LAMB1: variants seen among roughly 807,000 people sequenced by gnomAD.
LAMB1 encodes laminin subunit beta 1.
LAMB1 carries 121 observed loss-of-function variants against 222.3 expected under a neutral mutation model. That is an observed-to-expected ratio of 0.54 (90% CI 0.47 to 0.63). The LOEUF is 0.63. LAMB1 is among the 30% of genes least tolerant of loss of function. The pLI is 0.00. For missense variants in LAMB1, 2,172 were observed against 2,240.8 expected (o/e 0.97, Z 0.62); for synonymous variants, 794 against 807.2 (o/e 0.98, Z 0.28).
chr7:107,993,486 C>T (rs1310248997), intron 5 of LAMB1, among the ~76,000 whole-genome samples: 2 of 152,162 alleles, frequency 1.3e-5, no homozygotes, highest in Non-Finnish European at 2.9e-5. Flanking sequence ...CCCGTTTTAC[C>T]TTCTGCGCCT....
intron 18 of LAMB1, 98 bp downstream of exon 18, chr7:107,960,347 A>G: frequency 1.2e-6 from 1 of 817,554 alleles, no homozygotes; most frequent in Non-Finnish European, 2.0e-6. Context: ...TGTGCTGCCT[A>G]ACACAGGGCT....
chr7:107,928,811 C>G (rs2032631826), intron 31 of LAMB1, among the ~76,000 whole-genome samples: 1 of 152,160 alleles, frequency 6.6e-6, no homozygotes, highest in East Asian at 1.9e-4. Flanking sequence ...AAGTTTTTAT[C>G]TTTCTCAGAC....
chr7:107,980,410 G>A lies in LAMB1; in HGVS notation c.879+199C>T, dbSNP rs561281471. Among the ~76,000 whole-genome samples the A allele has an allele frequency of 9.2e-5, 14 of 152,294 alleles. No individual in the cohort carries two copies. The South Asian group carries it at 2.9e-3, about 32-fold the overall frequency. The stretch of plus-strand genomic sequence containing the variant: ...AAATTCATCGTCTATGAAATGAGTA[G>A]TCTGTACATTCTCCGTGTCCAAGAA... On this transcript the variant is annotated intron_variant, in intron 8 of 33. Transcript: ENST00000222399.
chr7:108,002,043 C>T lies in LAMB1; in HGVS notation c.38-310G>A, dbSNP rs930389374. 3.5e-6 allele frequency: 5 copies of T among 1,442,462 alleles called. No individual in the cohort carries two copies. The South Asian group carries it at 7.4e-5, about 21-fold the overall frequency. The allele number at this position is 1,442,462 out of a possible 1,614,324, so 89.4% of individuals were successfully genotyped here. ...GATCAGCCCCGGGGAGCAGCTCCCC[C>T]AACAAAGGGTGGATGTGTAGACCCT... On this transcript the variant is annotated intron_variant, in intron 2 of 33. Transcript: ENST00000222399.
chr7:107,960,227 C>G (rs932026577), intron 18 of LAMB1, among the ~76,000 whole-genome samples: 1 of 152,202 alleles, frequency 6.6e-6, no homozygotes, highest in Non-Finnish European at 1.5e-5. Context: ...CCCCTGGTCA[C>G]CTGTTATTTG....
intron 4 of LAMB1, among the ~76,000 whole-genome samples, 180 bp from the exon 5 acceptor site, chr7:107,995,140 C>T (rs2034259656): frequency 6.6e-6 from 1 of 152,158 alleles, no homozygotes. Flanking sequence ...GGTGGTAAAG[C>T]ACAAGTTGAA....
intron 24 of LAMB1, among the ~76,000 whole-genome samples, chr7:107,940,722 G>A (rs1390594712): frequency 6.6e-6 from 1 of 152,136 alleles, no homozygotes; most frequent in African/African-American, 2.4e-5. Flanking sequence ...CAAGGAAAAG[G>A]CCACGCCAGA....
chr7:107,958,659 C>T (rs562534428), intron 20 of LAMB1, among the ~76,000 whole-genome samples: 37 of 152,276 alleles, frequency 2.4e-4, no homozygotes, highest in Admixed American at 1.0e-3. Context: ...CTTTTTCATA[C>T]GGAGTATTTT....
chr7:107,935,267 A>C, intron 27 of LAMB1, 148 bp downstream of exon 27: 1 of 1,194,990 alleles, frequency 8.4e-7, no homozygotes, highest in Non-Finnish European at 1.2e-6. Context: ...GGATCCAGAG[A>C]CCTCAGCCTA....
At chr7:107,940,632 C>T (rs777290563) in intron 24 of LAMB1, 3 of 401,980 alleles carry the variant, frequency 7.5e-6, no homozygotes, top group Non-Finnish European at 1.4e-5. Flanking sequence ...CTATGGGATA[C>T]GTGTTATAAT....
chr7:107,932,120 C>A (rs979517650), intron 28 of LAMB1, 54 bp downstream of exon 28: 1 of 1,491,546 alleles, frequency 6.7e-7, no homozygotes, highest in African/African-American at 1.4e-5. Context: ...ATCCTTTAGT[C>A]CACAGCTGAA....
intron 7 of LAMB1, among the ~76,000 whole-genome samples, chr7:107,984,673 A>T (rs2034040137): frequency 6.6e-6 from 1 of 152,246 alleles, no homozygotes; most frequent in Non-Finnish European, 1.5e-5. Flanking sequence ...GGATGGCCTT[A>T]TAACTAGGGT....
At position 107,978,043 on chromosome 7, in the gene LAMB1, T is replaced by C; in HGVS notation, c.1000+4A>G. ...TTTAAAATGTCCCTTCAACACAGACTTACTTTTACAGGCGTTGCTGTTTCG... is the reference window on the plus strand; with the variant it reads ...TTTAAAATGTCCCTTCAACACAGACCTACTTTTACAGGCGTTGCTGTTTCG... On this transcript the variant is annotated splice_donor_region_variant and intron_variant, in intron 9 of 33. Transcript: ENST00000222399. 6.2e-7 allele frequency: 1 copy of C among 1,614,186 alleles called. No homozygotes were observed. The highest frequency in any genetic ancestry group is 8.5e-7 in the Non-Finnish European group (1 of 1,180,008).
intron 31 of LAMB1, among the ~76,000 whole-genome samples, chr7:107,927,349 T>C (rs7804892): frequency 0.077 from 11,787 of 152,232 alleles, 1,531 homozygotes; most frequent in African/African-American, 0.27. Context: ...TCCTGCCCCC[T>C]AGGGCCCCTG....
rs779522483 is a variant in LAMB1, at chr7:107,998,393, G to A, written c.313C>T (p.Pro105Ser). ...LIENVVTTFA[P>S]NRLKIWWQSE... ...TGCCACCAAATCTTAAGGCGGTTTG[G>A]AGCAAATGTAGTGACCACATTTTCA... Residue 105 changes from proline to serine, a missense_variant, in exon 4 of 34, where the codon CCA becomes TCA. Coordinates refer to ENST00000222399, the MANE Select transcript of LAMB1 (RefSeq NM_002291.3). The A allele has an allele frequency of 1.2e-6, 2 of 1,613,926 alleles. No homozygotes were observed. Among genetic ancestry groups the A allele is most frequent in the Non-Finnish European group, 1.7e-6 (2 of 1,179,968 alleles).
intron 2 of LAMB1, chr7:108,002,250 T>C: frequency 7.6e-7 from 1 of 1,311,284 alleles, no homozygotes; most frequent in Non-Finnish European, 1.0e-6. Context: ...TCACCGGCGC[T>C]TCGCTGGGGA....
intron 24 of LAMB1, chr7:107,942,748 T>G (rs1411096916): frequency 6.6e-6 from 1 of 152,252 alleles, no homozygotes; most frequent in Non-Finnish European, 1.5e-5. Flanking sequence ...TCACTTTTCG[T>G]GTCCCTACAA....
intron 27 of LAMB1, 25 bp downstream of exon 27, chr7:107,935,390 G>C: frequency 9.0e-7 from 1 of 1,113,198 alleles, no homozygotes; most frequent in South Asian, 1.3e-5. Flanking sequence ...CACCATAGCA[G>C]TAAGGCCACA....
At position 107,937,088 on chromosome 7, in the gene LAMB1, C is replaced by T; in HGVS notation, c.3946+5G>A. On this transcript the variant is annotated splice_donor_5th_base_variant and intron_variant, in intron 26 of 33. Transcript: ENST00000222399. ...CTGGGACTATTTGCACCAAAAAATGCTCACCCCGAATATCTGAGTTTTTGA... is the reference window on the plus strand; with the variant it reads ...CTGGGACTATTTGCACCAAAAAATGTTCACCCCGAATATCTGAGTTTTTGA... 1.2e-6 allele frequency: 2 copies of T among 1,611,640 alleles called. No individual in the cohort carries two copies. The highest frequency in any genetic ancestry group is 1.1e-5 in the South Asian group (1 of 90,780).
Sources: gnomAD v4.1 joint callset for allele counts (sites outside exome capture counted in the v4.1 genomes callset) on GRCh38, gnomAD v4.1.1 for gene constraint, MANE v1.5 for transcripts, NCBI Gene and HGNC (gene_info 2026-07-23, HGNC 2026-07-21) for gene names.